The following TNRC6B variants were observed in gnomAD, a reference collection of about 807,000 sequenced individuals.
The protein encoded by TNRC6B is trinucleotide repeat-containing gene 6B protein.
A neutral mutation model predicts 203.6 loss-of-function variants in TNRC6B; 52 were observed. The observed-to-expected ratio is 0.26, with a 90% CI of 0.20 to 0.32. The LOEUF (loss-of-function observed/expected upper bound fraction) is 0.32. TNRC6B is among the 10% of genes least tolerant of loss of function. TNRC6B has a pLI of 1.00. For synonymous variants in TNRC6B, 838 were observed against 845.7 expected (o/e 0.99, Z 0.16); for missense variants, 1,923 against 2,286.2 (o/e 0.84, Z 3.24).
At chr22:40,307,075 A>G (rs1799229427) in intron 15 of TNRC6B, among the ~76,000 whole-genome samples, 1 of 141,482 alleles carries the variant, frequency 7.1e-6, no homozygotes, top group Non-Finnish European at 1.5e-5. Flanking sequence ...ATCATTTTGA[A>G]CTAGTAAATT....
At chr22:40,234,896 A>G (rs1409405828) in intron 1 of TNRC6B, among the ~76,000 whole-genome samples, 1 of 152,188 alleles carries the variant, frequency 6.6e-6, no homozygotes, top group Non-Finnish European at 1.5e-5. Flanking sequence ...AACAAATCCA[A>G]TATACATATT....
chr22:40,319,568 G>A (rs916857388), intron 21 of TNRC6B, among the ~76,000 whole-genome samples: 4 of 151,950 alleles, frequency 2.6e-5, no homozygotes, highest in Admixed American at 2.0e-4. Context: ...GGGACTACAG[G>A]CGCCAGCCAC....
intron 1 of TNRC6B, among the ~76,000 whole-genome samples, chr22:40,218,180 A>C (rs1047967422): frequency 6.6e-6 from 1 of 152,024 alleles, no homozygotes; most frequent in Admixed American, 6.6e-5. Flanking sequence ...TGATAATATT[A>C]GGAATGATTT....
intron 3 of TNRC6B, among the ~76,000 whole-genome samples, chr22:40,146,496 A>G (rs2068696558): frequency 6.6e-6 from 1 of 151,748 alleles, no homozygotes; most frequent in African/African-American, 2.4e-5. Flanking sequence ...CCTGAATTCA[A>G]GCATTGTCCT....
At chr22:40,107,536 A>G (rs1047610627) in intron 1 of TNRC6B, among the ~76,000 whole-genome samples, 5 of 152,304 alleles carry the variant, frequency 3.3e-5, no homozygotes, top group South Asian at 2.1e-4. Flanking sequence ...CTGAAAAACT[A>G]TATAGATTCA....
chr22:40,097,847 T>C lies in TNRC6B; in HGVS notation c.-120-19208T>C, dbSNP rs117193073. On this transcript the variant is annotated intron_variant, in intron 1 of 23. Coordinates refer to the TNRC6B transcript ENST00000301923. ...ATACAAAATGTTTTATAATGGCGTA[T>C]CTTATTTACTTATTTAAGACAGGGT... Among the ~76,000 whole-genome samples, 585 of 152,178 alleles carry C rather than the reference T, an allele frequency of 3.8e-3. 4 individuals are homozygous for C. Among genetic ancestry groups the C allele is most frequent in the Non-Finnish European group, 4.2e-3 (283 of 68,014 alleles).
intron 1 of TNRC6B, among the ~76,000 whole-genome samples, chr22:40,102,338 A>T (rs1252455403): frequency 6.6e-6 from 1 of 152,180 alleles, no homozygotes; most frequent in Non-Finnish European, 1.5e-5. Flanking sequence ...GCTTATCAGG[A>T]TCATTATTTG....
Position 40,300,452 on chromosome 22 carries a change from T to C in TNRC6B, c.3709-3T>C. ...TTTCTTTCTTTTTTATTTTTTTGGC[T>C]AGGTTTCTGCCTCAATGCTCAAGCA... On this transcript the variant is annotated splice_polypyrimidine_tract_variant and splice_region_variant and intron_variant, in intron 12 of 22. Coordinates refer to ENST00000454349, the MANE Select transcript of TNRC6B (RefSeq NM_001162501.2). 1 of 1,547,518 alleles carries C rather than the reference T, an allele frequency of 6.5e-7. No individual in the cohort carries two copies. The highest frequency in any genetic ancestry group is 1.4e-5 in the African/African-American group (1 of 71,504).
intron 12 of TNRC6B, among the ~76,000 whole-genome samples, chr22:40,297,849 G>T (rs979654267): frequency 3.3e-5 from 5 of 149,340 alleles, no homozygotes; most frequent in Admixed American, 6.7e-5. Context: ...TAGGCCGGGT[G>T]CAGTGGTTCA....
chr22:40,114,102 A>G (rs182329116), intron 1 of TNRC6B, among the ~76,000 whole-genome samples: 2 of 152,322 alleles, frequency 1.3e-5, no homozygotes, highest in Admixed American at 1.3e-4. Context: ...TTGAATTTTT[A>G]AAATGAGAAT....
chr22:40,204,501 T>C (rs746707431), intron 1 of TNRC6B, among the ~76,000 whole-genome samples: 1 of 152,244 alleles, frequency 6.6e-6, no homozygotes. Context: ...TTCTGCTTCC[T>C]CTGTCCCACT....
chr22:40,236,527 T>C (rs2069949910), intron 1 of TNRC6B, among the ~76,000 whole-genome samples: 1 of 152,224 alleles, frequency 6.6e-6, no homozygotes, highest in African/African-American at 2.4e-5. Flanking sequence ...CCGGTCTGTC[T>C]GCCTTGATTT....
At chr22:40,086,135 T>C (rs1339220149) in intron 1 of TNRC6B, among the ~76,000 whole-genome samples, 5 of 152,056 alleles carry the variant, frequency 3.3e-5, no homozygotes, top group Non-Finnish European at 7.4e-5. Flanking sequence ...CCTCCCAGAG[T>C]GCTGGGATTA....
chr22:40,141,493 A>G (rs1014401580), intron 3 of TNRC6B, among the ~76,000 whole-genome samples: 1 of 152,022 alleles, frequency 6.6e-6, no homozygotes, highest in Non-Finnish European at 1.5e-5. Context: ...TTTTTTAAAG[A>G]AATAAAATAA....
At chr22:40,066,446 A>C (rs1410980515) in intron 1 of TNRC6B, among the ~76,000 whole-genome samples, 1 of 152,084 alleles carries the variant, frequency 6.6e-6, no homozygotes, top group Non-Finnish European at 1.5e-5. Context: ...CGTAGGGGGA[A>C]TATCTTCCTT....
intron 21 of TNRC6B, among the ~76,000 whole-genome samples, chr22:40,317,839 A>G (rs1294308999): frequency 2.0e-5 from 3 of 152,170 alleles, no homozygotes; most frequent in African/African-American, 4.8e-5. Context: ...CCTTTACAAC[A>G]CCTTGTTAAA....
At chr22:40,173,976 G>A (rs1337767834), upstream of TNRC6B, among the ~76,000 whole-genome samples, 4 of 149,158 alleles carry the variant, frequency 2.7e-5, no homozygotes, top group Non-Finnish European at 4.5e-5. Context: ...GCTAAATTTT[G>A]TATTTTGAGT....
chr22:40,272,939 G>A (rs1280001175), intron 6 of TNRC6B, among the ~76,000 whole-genome samples: 1 of 151,926 alleles, frequency 6.6e-6, no homozygotes, highest in Admixed American at 6.6e-5. Context: ...CCCTTTTCAT[G>A]TTCTGTTCGT....
intron 22 of TNRC6B, among the ~76,000 whole-genome samples, chr22:40,322,257 A>G (rs2071343989): frequency 6.6e-6 from 1 of 152,170 alleles, no homozygotes; most frequent in African/African-American, 2.4e-5. Context: ...AGGAAGATAC[A>G]AAGATTTCTG....
Sources: allele counts gnomAD v4.1 joint callset (sites outside exome capture counted in the v4.1 genomes callset), GRCh38; gene constraint gnomAD v4.1.1; transcripts MANE v1.5; gene names NCBI Gene and HGNC (gene_info 2026-07-23, HGNC 2026-07-21).